The following COBL variants were observed in gnomAD, a reference collection of about 807,000 sequenced individuals.
COBL encodes the protein protein cordon-bleu.
In COBL, 51 loss-of-function variants were observed where a neutral mutation model predicts 98.8. The ratio of observed to expected loss-of-function variants is 0.52; its 90% confidence interval spans 0.41 to 0.65. The LOEUF (loss-of-function observed/expected upper bound fraction) is 0.65. COBL is among the 30% of genes least tolerant of loss of function. The pLI is 0.00. For missense variants in COBL, 1,617 were observed against 1,617.5 expected, an observed-to-expected ratio of 1.00 and a Z score of 0.01; for synonymous variants, 634 against 651.7, an observed-to-expected ratio of 0.97 and a Z score of 0.41.
chr7:51,308,747 C>T (rs1056396703), intron 1 of COBL, among the ~76,000 whole-genome samples: 1 of 152,188 alleles, frequency 6.6e-6, no homozygotes, highest in African/African-American at 2.4e-5. Flanking sequence ...CTTTCCCCAA[C>T]TCCTCCAGGA....
chr7:51,123,403 A>T (rs1056903850), intron 6 of COBL, among the ~76,000 whole-genome samples: 3 of 152,162 alleles, frequency 2.0e-5, no homozygotes, highest in African/African-American at 7.2e-5. Context: ...ACAGAACAAG[A>T]GCCTTGTATC....
At chr7:51,065,067 G>GA in intron 7 of COBL, 2 of 642,708 alleles carry the variant, frequency 3.1e-6, no homozygotes, top group Non-Finnish European at 5.6e-6. Flanking sequence ...GGAACATTTA[G>GA]AAGTCGGTCC....
intron 6 of COBL, among the ~76,000 whole-genome samples, chr7:51,110,280 C>G (rs1450806559): frequency 6.6e-6 from 1 of 152,174 alleles, no homozygotes; most frequent in Non-Finnish European, 1.5e-5. Context: ...CCCTGCGCAG[C>G]CTCTGGTAAC....
rs374165084 is a variant in COBL at position 51,085,257 on chromosome 7, C to T, written c.1005G>A (p.Ala335=). ...GTGGCTGTGGTGGAGGGGGAGCTGG[C>T]GCTCGCCGCTTCTTCTTCTGTAAAT... The part of the protein sequence containing the change: ...QIDLQKKKRR[A]PAPPPPQPPP... The change falls in exon 7 of 13, where the codon GCG becomes GCA. Residue 335 remains alanine (A), a synonymous_variant. Coordinates refer to ENST00000265136, the MANE Select transcript of COBL (RefSeq NM_015198.5). 2.1e-4 allele frequency: 342 copies of T among 1,603,732 alleles called. 1 individual carries two copies. The highest frequency in any genetic ancestry group is 7.3e-4 in the Admixed American group (43 of 58,948).
At chr7:51,119,843 G>C (rs1434287653) in intron 6 of COBL, among the ~76,000 whole-genome samples, 1 of 152,158 alleles carries the variant, frequency 6.6e-6, no homozygotes, top group Non-Finnish European at 1.5e-5. Flanking sequence ...TAGTTAAGTA[G>C]ATAGGTAAGG....
intron 6 of COBL, among the ~76,000 whole-genome samples, chr7:51,086,155 T>C (rs768997751): frequency 3.9e-5 from 6 of 152,092 alleles, no homozygotes; most frequent in Non-Finnish European, 1.5e-5. Flanking sequence ...TTGATTAAAA[T>C]TCATTGATTA....
At chr7:51,026,459 G>A in intron 11 of COBL, 87 bp downstream of exon 11, 10 of 1,527,478 alleles carry the variant, frequency 6.5e-6, no homozygotes, top group Non-Finnish European at 6.2e-6. Flanking sequence ...AAGGACAGAA[G>A]CTTCTGCAGC....
chr7:51,139,558 G>T (rs1799543040), intron 5 of COBL, among the ~76,000 whole-genome samples: 1 of 152,182 alleles, frequency 6.6e-6, no homozygotes, highest in Admixed American at 6.5e-5. Context: ...CTCCCAAGGA[G>T]GTCGATTGCA....
At chr7:51,041,454 A>G (rs1789179980) in intron 8 of COBL, among the ~76,000 whole-genome samples, 1 of 151,388 alleles carries the variant, frequency 6.6e-6, no homozygotes, top group African/African-American at 2.4e-5. Context: ...CTATTTCTTT[A>G]AATCAGTTTA....
chr7:51,056,234 G>A (rs1790735646), intron 7 of COBL, among the ~76,000 whole-genome samples: 1 of 144,312 alleles, frequency 6.9e-6, no homozygotes, highest in Non-Finnish European at 1.5e-5. Flanking sequence ...TGAAGTGGGG[G>A]CATGAGGAAG....
rs1369929367 is a variant in COBL, at chr7:51,033,037, G to A, written c.1407-2128C>T. On this transcript the variant is annotated intron_variant, in intron 8 of 12. Transcript: ENST00000265136. ...AGTATGCTTGATCACGTCACTATGA[G>A]ACATGGAACATAATGATATCAATAA... 6 of 151,990 alleles carry A rather than the reference G, an allele frequency of 3.9e-5. No homozygotes were observed. The South Asian group carries it at 8.3e-4, about 21-fold the overall frequency. The allele number at this position is 151,990 out of a possible 1,614,324, so 9.4% of individuals were successfully genotyped here.
chr7:51,066,734 C>G (rs1321926962), intron 7 of COBL, among the ~76,000 whole-genome samples: 8 of 152,166 alleles, frequency 5.3e-5, no homozygotes, highest in Non-Finnish European at 1.2e-4. Flanking sequence ...ACCCCCACCC[C>G]TCCATGGGCT....
At chr7:51,306,902 T>G (rs1011395028) in intron 1 of COBL, among the ~76,000 whole-genome samples, 3 of 152,164 alleles carry the variant, frequency 2.0e-5, no homozygotes, top group African/African-American at 7.2e-5. Context: ...ACATCCTCCT[T>G]CATCCTGCAG....
Position 51,043,647 on chromosome 7 carries a change from G to T in COBL, c.1142C>A (p.Ala381Asp), listed in dbSNP as rs767906752. 6.2e-7 allele frequency: 1 copy of T among 1,614,162 alleles called. No homozygotes were observed. The highest frequency in any genetic ancestry group is 8.5e-7 in the Non-Finnish European group (1 of 1,180,044). Residue 381 changes from alanine (A) to aspartate (D), a missense_variant, in exon 8 of 13, where the codon GCC becomes GAC. Physicochemically the swap from Ala to Asp is moderately radical, Grantham distance 126 (BLOSUM62 -2). This residue lies in a region of COBL where 1,304 missense variants were observed against 1,282.0 expected (regional missense o/e 1.02). Transcript: ENST00000265136. ...CTCCGCCTCTGACAGCACCTGCGGG[G>T]CTCCATCCGGGCTGCAGTGGCTGCC... is the stretch of plus-strand genomic sequence containing the variant. ...GSGSHCSPDG[A>D]PQVLSEAEET...
At chr7:51,139,315 C>G (rs1372084385) in intron 5 of COBL, among the ~76,000 whole-genome samples, 1 of 152,108 alleles carries the variant, frequency 6.6e-6, no homozygotes, top group African/African-American at 2.4e-5. Flanking sequence ...TGGCCATGAC[C>G]TCATGAGGGC....
chr7:51,146,566 C>A (rs1424925449), intron 5 of COBL, among the ~76,000 whole-genome samples: 1 of 149,220 alleles, frequency 6.7e-6, no homozygotes, highest in Non-Finnish European at 1.5e-5. Flanking sequence ...CCACTCCGTT[C>A]TCCCATTAAG....
intron 1 of COBL, among the ~76,000 whole-genome samples, chr7:51,256,336 C>T (rs80184165): frequency 0.049 from 7,527 of 152,274 alleles, 617 homozygotes; most frequent in African/African-American, 0.17. Flanking sequence ...CTGCAGGAGC[C>T]CGGGTCCCAC....
chr7:51,141,849 G>A (rs1286129132), intron 5 of COBL, among the ~76,000 whole-genome samples: 3 of 152,182 alleles, frequency 2.0e-5, no homozygotes. Context: ...TGAGAATGGG[G>A]AGAATGCTGC....
chr7:51,126,620 G>A (rs2128995864), intron 6 of COBL, among the ~76,000 whole-genome samples: 1 of 152,242 alleles, frequency 6.6e-6, no homozygotes, highest in African/African-American at 2.4e-5. Flanking sequence ...ACCTGGACGT[G>A]GGACTCCTCT....
Sources: allele counts gnomAD v4.1 joint callset (sites outside exome capture counted in the v4.1 genomes callset), GRCh38; gene constraint gnomAD v4.1.1; regional missense constraint gnomAD v4.1.1; transcripts MANE v1.5; gene names NCBI Gene and HGNC (gene_info 2026-07-23, HGNC 2026-07-21).